The following SEMA3E variants were observed in gnomAD, a reference collection of about 807,000 sequenced individuals.
The protein encoded by SEMA3E is semaphorin-3E.
A neutral mutation model predicts 93.6 loss-of-function variants in SEMA3E; 49 were observed. That is an observed-to-expected ratio of 0.52 (90% CI 0.42 to 0.66). SEMA3E has a LOEUF of 0.66. SEMA3E is among the 30% of genes least tolerant of loss of function. The pLI is 0.00. For missense variants in SEMA3E, 906 were observed against 964.8 expected (o/e 0.94, Z 0.81); for synonymous variants, 363 against 330.7 (o/e 1.10, Z -1.06).
chr7:83,538,067 G>T (rs1791441428), intron 1 of SEMA3E, among the ~76,000 whole-genome samples: 1 of 152,044 alleles, frequency 6.6e-6, no homozygotes, highest in African/African-American at 2.4e-5. Flanking sequence ...TCATTTCATT[G>T]TATGGATATA....
intron 1 of SEMA3E, among the ~76,000 whole-genome samples, chr7:83,592,658 G>T (rs1470080487): frequency 6.6e-6 from 1 of 152,118 alleles, no homozygotes; most frequent in African/African-American, 2.4e-5. Context: ...CAAGTAATAG[G>T]CAGTTAATAC....
rs1466008906 is a variant in SEMA3E at position 83,365,445 on chromosome 7, T to C, written c.*2141A>G. On this transcript the variant is annotated 3_prime_UTR_variant, in exon 17 of 17. Transcript: ENST00000643230. ...TAGCATTGAATAAACTTTCTTTGGG[T>C]TTGATTTATTTTCCTATAATAAATT... 6.6e-6 allele frequency: 1 copy of C among 152,200 alleles called. No homozygotes were observed. Among genetic ancestry groups the C allele is most frequent in the African/African-American group, 2.4e-5 (1 of 41,444 alleles). 9.4% of individuals were successfully genotyped at this position (152,200 alleles called of 1,614,324 possible).
intron 9 of SEMA3E, among the ~76,000 whole-genome samples, chr7:83,404,864 TA>T (rs1235743940): frequency 1.3e-5 from 2 of 152,026 alleles, no homozygotes; most frequent in African/African-American, 4.8e-5. Context: ...AGAACTGATT[TA>T]AATCAGTGTT....
chr7:83,434,899 G>C (rs1297554370), intron 4 of SEMA3E, among the ~76,000 whole-genome samples: 3 of 151,112 alleles, frequency 2.0e-5, no homozygotes, highest in African/African-American at 7.3e-5. Flanking sequence ...ATTTTTAGTA[G>C]AGACGGGGTT....
At chr7:83,409,831 T>G (rs148440213) in intron 5 of SEMA3E, among the ~76,000 whole-genome samples, 3 of 151,810 alleles carry the variant, frequency 2.0e-5, no homozygotes, top group Non-Finnish European at 2.9e-5. Flanking sequence ...GTAAGGTCTT[T>G]AAAGCTTTGG....
intron 1 of SEMA3E, among the ~76,000 whole-genome samples, chr7:83,570,026 T>C (rs951900237): frequency 6.6e-6 from 1 of 152,168 alleles, no homozygotes; most frequent in Non-Finnish European, 1.5e-5. Flanking sequence ...AGCATACTCT[T>C]GGACAACAGT....
Position 83,481,689 on chromosome 7 carries a change from A to G in SEMA3E, c.276+8425T>C, listed in dbSNP as rs142721961. On this transcript the variant is annotated intron_variant, in intron 2 of 16. Transcript: ENST00000643230. ...TATACGTGCAACAGAGCAGAAGTTC[A>G]TTGGGAAAGAGTATGATCACATGGT... Among the ~76,000 whole-genome samples the G allele has an allele frequency of 2.7e-3, 418 of 152,290 alleles. 2 individuals are homozygous for G. The highest frequency in any genetic ancestry group is 8.3e-3 in the African/African-American group (345 of 41,554).
At chr7:83,469,369 T>C (rs954016596) in intron 2 of SEMA3E, 67 bp from the exon 3 acceptor site, 2 of 1,132,540 alleles carry the variant, frequency 1.8e-6, no homozygotes, top group Non-Finnish European at 2.7e-6. Context: ...GAAAACCATT[T>C]CACTTTCTTC....
At chr7:83,423,249 A>G (rs1311911915) in intron 4 of SEMA3E, among the ~76,000 whole-genome samples, 2 of 152,080 alleles carry the variant, frequency 1.3e-5, no homozygotes, top group Non-Finnish European at 2.9e-5. Flanking sequence ...TAAAAATCTC[A>G]AGTTTGACAA....
chr7:83,476,186 T>C (rs892957891), intron 2 of SEMA3E, among the ~76,000 whole-genome samples: 1 of 152,236 alleles, frequency 6.6e-6, no homozygotes. Context: ...TCAGTCAATA[T>C]GCCTTTTATC....
intron 1 of SEMA3E, among the ~76,000 whole-genome samples, chr7:83,496,249 T>G (rs2115580308): frequency 6.6e-6 from 1 of 152,122 alleles, no homozygotes; most frequent in East Asian, 1.9e-4. Flanking sequence ...CTGAGATTTC[T>G]AAATATTATT....
At chr7:83,646,903 A>G (rs535285127) in intron 1 of SEMA3E, among the ~76,000 whole-genome samples, 9 of 152,226 alleles carry the variant, frequency 5.9e-5, no homozygotes, top group African/African-American at 2.2e-4. Context: ...ACAGAATTGT[A>G]GCTTGCAAAA....
chr7:83,459,663 C>T (rs914526378), intron 4 of SEMA3E, among the ~76,000 whole-genome samples: 5 of 152,092 alleles, frequency 3.3e-5, no homozygotes, highest in African/African-American at 1.2e-4. Context: ...TTAAAATATG[C>T]TAATTGTCAG....
intron 1 of SEMA3E, among the ~76,000 whole-genome samples, chr7:83,520,817 A>T (rs954602367): frequency 2.6e-5 from 4 of 152,170 alleles, no homozygotes; most frequent in African/African-American, 9.6e-5. Flanking sequence ...CTGAATGGAC[A>T]AGTTAATTTT....
chr7:83,444,539 C>A (rs1584252867), intron 4 of SEMA3E, among the ~76,000 whole-genome samples: 1 of 152,176 alleles, frequency 6.6e-6, no homozygotes, highest in Non-Finnish European at 1.5e-5. Context: ...TGGAGCCATC[C>A]AACAGAGGGT....
intron 1 of SEMA3E, among the ~76,000 whole-genome samples, chr7:83,617,624 T>C (rs1211688488): frequency 1.4e-5 from 2 of 146,966 alleles, no homozygotes; most frequent in Non-Finnish European, 3.0e-5. Context: ...TAATTTTATA[T>C]AAATTTTATA....
chr7:83,524,928 C>G (rs1791124982), intron 1 of SEMA3E, among the ~76,000 whole-genome samples: 1 of 151,942 alleles, frequency 6.6e-6, no homozygotes, highest in African/African-American at 2.4e-5. Flanking sequence ...TCACATCACT[C>G]TTACTCTGGG....
intron 1 of SEMA3E, among the ~76,000 whole-genome samples, chr7:83,604,585 A>G (rs1793067819): frequency 6.6e-6 from 1 of 151,412 alleles, no homozygotes; most frequent in Non-Finnish European, 1.5e-5. Context: ...CCCAACATAT[A>G]TATATATACA....
In SEMA3E at chr7:83,400,146, T is replaced by A; in HGVS notation, c.1248A>T (p.Lys416Asn). The change falls in exon 11 of 17, where the codon AAA becomes AAT. Residue 416 changes from lysine (K) to asparagine (N), a missense_variant. Lys to Asn is a moderately conservative substitution (Grantham distance 94). Coordinates refer to ENST00000643230, the MANE Select transcript of SEMA3E (RefSeq NM_012431.3). ...CCAATATTGGTTTTTTATGGGCAGG[T>A]TTTATGGCCTGGTACATTAGTGGAT... Reference protein sequence around the residue: ...RSHPLMYQAIKPAHKKPILVK... With the variant: ...RSHPLMYQAINPAHKKPILVK... The A allele has an allele frequency of 6.2e-7, 1 of 1,614,012 alleles. No homozygotes were observed. Among genetic ancestry groups the A allele is most frequent in the Non-Finnish European group, 8.5e-7 (1 of 1,179,964 alleles).
Sources: gnomAD v4.1 joint callset for allele counts (sites outside exome capture counted in the v4.1 genomes callset) on GRCh38, gnomAD v4.1.1 for gene constraint, MANE v1.5 for transcripts, NCBI Gene and HGNC (gene_info 2026-07-23, HGNC 2026-07-21) for gene names.